PAMR1: variants seen among roughly 807,000 people sequenced by gnomAD.
PAMR1 encodes inactive serine protease PAMR1.
In PAMR1, 88 loss-of-function variants were observed where a neutral mutation model predicts 81.8. The ratio of observed to expected loss-of-function variants is 1.08; its 90% CI spans 0.91 to 1.28. The LOEUF is 1.28. Among genes scored for constraint, PAMR1 ranks in the 50% most tolerant of loss-of-function variants. The probability of loss-of-function intolerance (pLI) is 0.00; values close to 1 mark genes in which losing one functional copy is unlikely to be tolerated. For missense variants in PAMR1, 935 were observed against 919.7 expected (o/e 1.02, Z -0.21); for synonymous variants, 336 against 345.3 (o/e 0.97, Z 0.30).
chr11:35,473,398 C>A (rs1172979029), intron 4 of PAMR1, among the ~76,000 whole-genome samples: 1 of 152,128 alleles, frequency 6.6e-6, no homozygotes, highest in Admixed American at 6.5e-5. Flanking sequence ...TCCTCAGAGG[C>A]CCAGAGGGGA....
Position 35,435,921 on chromosome 11 carries a change from C to A in PAMR1, c.1315G>T (p.Ala439Ser), listed in dbSNP as rs1856032012. 1 of 1,613,658 alleles carries A rather than the reference C, an allele frequency of 6.2e-7. No homozygotes were observed. Among genetic ancestry groups the A allele is most frequent in the Non-Finnish European group, 8.5e-7 (1 of 1,179,676 alleles). Residue 439 changes from alanine to serine, a missense_variant, in exon 9 of 11, where the codon GCA becomes TCA. Physicochemically the swap from Ala to Ser is moderately conservative, Grantham distance 99 (BLOSUM62 1). Transcript: ENST00000619888. ...CLRTGKWSGRAPSCIPICGKI... is the reference protein window; with the variant it reads ...CLRTGKWSGRSPSCIPICGKI... The stretch of plus-strand genomic sequence containing the variant: ...GACTCACTAGGGATGCAGGATGGTG[C>A]CCGCCCACTCCACTTCCCAGTCCTC...
chr11:35,435,822 C>A (rs1168720990), intron 9 of PAMR1, 81 bp downstream of exon 9: 7 of 1,064,812 alleles, frequency 6.6e-6, no homozygotes, highest in Non-Finnish European at 1.0e-5. Flanking sequence ...GATGCTCTCC[C>A]AAAAAGTAGG....
chr11:35,474,573 T>C, intron 4 of PAMR1, 57 bp downstream of exon 4: 1 of 987,164 alleles, frequency 1.0e-6, no homozygotes, highest in Non-Finnish European at 1.5e-6. Context: ...GAGCCTTCCA[T>C]CCCATTTCTG....
rs11033152 is a variant in PAMR1, at chr11:35,507,446, G to C, written c.74-13174C>G. Among the ~76,000 whole-genome samples the C allele has an allele frequency of 3.1e-3, 473 of 152,230 alleles. 12 individuals are homozygous for C. In the East Asian group the frequency reaches 0.063, roughly 20 times the overall value. Reference sequence around the variant, plus strand: ...TTCAGTTCAGCAGATGTATTTCTCAGTTCCAAGATTTCTGTTTGGTTTCTT... The same window carrying C: ...TTCAGTTCAGCAGATGTATTTCTCACTTCCAAGATTTCTGTTTGGTTTCTT... On this transcript the variant is annotated intron_variant, in intron 1 of 10. Transcript: ENST00000619888.
intron 3 of PAMR1, 125 bp downstream of exon 3, chr11:35,491,920 T>G (rs1005517406): frequency 6.3e-6 from 5 of 798,408 alleles, no homozygotes; most frequent in Non-Finnish European, 9.7e-6. Context: ...TAGTTTTACC[T>G]AGAAAGCCCT....
intron 6 of PAMR1, among the ~76,000 whole-genome samples, chr11:35,442,027 T>G (rs1471355401): frequency 1.3e-5 from 2 of 152,212 alleles, no homozygotes; most frequent in Non-Finnish European, 2.9e-5. Context: ...AATTTTATTA[T>G]CGGTATACAA....
intron 5 of PAMR1, 126 bp downstream of exon 5, chr11:35,470,475 G>A (rs773155324): frequency 1.4e-6 from 1 of 721,470 alleles, no homozygotes. Context: ...CAGTGTGTAG[G>A]CTGTTTCTAA....
intron 7 of PAMR1, 72 bp downstream of exon 7, chr11:35,441,409 A>T: frequency 3.7e-6 from 4 of 1,090,638 alleles, no homozygotes; most frequent in Non-Finnish European, 5.5e-6. Flanking sequence ...GCTTAAAAAC[A>T]TGCAAAGGAG....
intron 6 of PAMR1, among the ~76,000 whole-genome samples, chr11:35,446,314 G>T (rs1473106599): frequency 6.6e-6 from 1 of 152,106 alleles, no homozygotes; most frequent in African/African-American, 2.4e-5. Flanking sequence ...TTTTTGGAAA[G>T]ATTTTTTGTG....
intron 1 of PAMR1, among the ~76,000 whole-genome samples, chr11:35,496,447 G>A (rs1850727821): frequency 6.6e-6 from 1 of 152,106 alleles, no homozygotes; most frequent in African/African-American, 2.4e-5. Flanking sequence ...TTTTAAATGA[G>A]CAAATGACTT....
intron 6 of PAMR1, among the ~76,000 whole-genome samples, chr11:35,455,280 C>T (rs1299575492): frequency 1.3e-5 from 2 of 152,284 alleles, no homozygotes; most frequent in Non-Finnish European, 1.5e-5. Flanking sequence ...AGTACACACT[C>T]ATGACACCAT....
intron 3 of PAMR1, among the ~76,000 whole-genome samples, chr11:35,482,012 T>G (rs1850403734): frequency 1.3e-5 from 2 of 152,236 alleles, no homozygotes; most frequent in African/African-American, 4.8e-5. Context: ...GATAGTTTCT[T>G]TTGCTGTGCA....
At position 35,453,141 on chromosome 11, in the gene PAMR1, C is replaced by G. The variant is rs551177345; in HGVS notation, c.821-11448G>C. ...GCAGGATAACACTTACCTGGTTGGG[C>G]TTGTTCTGAGAAGTAACTGAAATAG... On this transcript the variant is annotated intron_variant, in intron 6 of 10. Transcript: ENST00000619888. Among the ~76,000 whole-genome samples, 13 of 152,340 alleles carry G rather than the reference C, an allele frequency of 8.5e-5. No individual in the cohort carries two copies. In the South Asian group the frequency reaches 2.7e-3, roughly 32 times the overall value.
intron 3 of PAMR1, among the ~76,000 whole-genome samples, chr11:35,486,126 T>C (rs1026985482): frequency 6.6e-6 from 1 of 152,226 alleles, no homozygotes; most frequent in Non-Finnish European, 1.5e-5. Flanking sequence ...AGCACTGTTT[T>C]CACAGATGGA....
chr11:35,468,517 A>G (rs1262114219), intron 5 of PAMR1, among the ~76,000 whole-genome samples: 1 of 152,224 alleles, frequency 6.6e-6, no homozygotes, highest in Admixed American at 6.5e-5. Flanking sequence ...GGGGCAATGC[A>G]ACTGGAAGAC....
At chr11:35,470,898 T>C (rs1450742548) in intron 4 of PAMR1, 80 bp from the exon 5 acceptor site, 1 of 950,122 alleles carries the variant, frequency 1.1e-6, no homozygotes, top group East Asian at 2.5e-5. Flanking sequence ...CAAGGCCAGA[T>C]GAGGAACAGG....
chr11:35,441,392 TC>T, intron 7 of PAMR1, 88 bp downstream of exon 7: 1 of 901,822 alleles, frequency 1.1e-6, no homozygotes. Context: ...AAGGCATTTT[TC>T]CAGGGGCTTA....
At chr11:35,454,554 G>A (rs1354433179) in intron 6 of PAMR1, among the ~76,000 whole-genome samples, 2 of 152,144 alleles carry the variant, frequency 1.3e-5, no homozygotes, top group Non-Finnish European at 2.9e-5. Context: ...TGATAAATCA[G>A]TTGGACCCAA....
intron 1 of PAMR1, among the ~76,000 whole-genome samples, chr11:35,508,755 T>C (rs1389551448): frequency 2.6e-5 from 4 of 152,048 alleles, no homozygotes; most frequent in African/African-American, 9.7e-5. Context: ...TACAAATCCA[T>C]GTGTACTCAC....
Sources: allele counts gnomAD v4.1 joint callset (sites outside exome capture counted in the v4.1 genomes callset), GRCh38; gene constraint gnomAD v4.1.1; transcripts MANE v1.5; gene names NCBI Gene and HGNC (gene_info 2026-07-23, HGNC 2026-07-21).